POLR3E: variants seen among roughly 807,000 people sequenced by gnomAD.
The protein encoded by POLR3E is DNA-directed RNA polymerase III subunit RPC5.
Under a neutral mutation model 96.6 loss-of-function variants are expected in POLR3E, and 41 were observed. That is an observed-to-expected ratio of 0.42 (90% CI 0.33 to 0.55). The LOEUF (loss-of-function observed/expected upper bound fraction) is 0.55, where lower values mean the gene tolerates loss of function less well. Among genes scored for constraint, POLR3E ranks in the 20% least tolerant of loss-of-function variants. POLR3E has a pLI of 0.06. For synonymous variants in POLR3E, 396 were observed against 383.6 expected, an observed-to-expected ratio of 1.03 and a Z score of -0.38; for missense variants, 849 against 952.1, an observed-to-expected ratio of 0.89 and a Z score of 1.43.
At chr16:22,306,310 G>A (rs1182296357) in intron 3 of POLR3E, among the ~76,000 whole-genome samples, 1 of 152,168 alleles carries the variant, frequency 6.6e-6, no homozygotes, top group African/African-American at 2.4e-5. Context: ...CCAGGCTGGA[G>A]TGCAGTGGCT....
At chr16:22,315,352 C>T (rs1222563351) in intron 9 of POLR3E, 144 bp downstream of exon 9, 2 of 853,056 alleles carry the variant, frequency 2.3e-6, no homozygotes, top group Non-Finnish European at 3.5e-6. Flanking sequence ...GGGCAGTTTA[C>T]ACTTCACTCC....
In POLR3E at chr16:22,318,187, G is replaced by A. The variant is rs1216064801; in HGVS notation, c.866-639G>A. On this transcript the variant is annotated intron_variant, in intron 12 of 20. Transcript: ENST00000299853. The surrounding 1 kb of genome is among the most constrained non-coding windows in gnomAD (Gnocchi z 5.0). ...CGGCTCACTGCAACCTCCGCCTCCC[G>A]GGTTCAAGCAATTCTCATGCCTCAG... Among the ~76,000 whole-genome samples, 11 of 151,858 alleles carry A rather than the reference G, an allele frequency of 7.2e-5. No individual in the cohort carries two copies. Among genetic ancestry groups the A allele is most frequent in the African/African-American group, 4.8e-5 (2 of 41,308 alleles).
At chr16:22,320,819 T>G (rs1306430650) in intron 13 of POLR3E, among the ~76,000 whole-genome samples, 2 of 152,190 alleles carry the variant, frequency 1.3e-5, no homozygotes, top group Non-Finnish European at 2.9e-5. Context: ...TCTAGATTGG[T>G]GGTTATTTTC....
At chr16:22,325,110 C>T (rs953707400) in intron 16 of POLR3E, 95 bp from the exon 17 acceptor site, 11 of 946,262 alleles carry the variant, frequency 1.2e-5, no homozygotes, top group African/African-American at 3.2e-5. Context: ...TGTCAGTAAC[C>T]AGCGTGTCCT....
intron 19 of POLR3E, among the ~76,000 whole-genome samples, chr16:22,331,275 G>A (rs981949420): frequency 2.0e-5 from 3 of 151,968 alleles, no homozygotes; most frequent in Non-Finnish European, 2.9e-5. Flanking sequence ...CTCTGCGCCC[G>A]GCATGAAGCA....
chr16:22,328,308 G>A, intron 18 of POLR3E: 1 of 584,650 alleles, frequency 1.7e-6, no homozygotes. Flanking sequence ...GGCCCTGGGG[G>A]GTGTGCTGGC....
At chr16:22,333,474 C>T (rs1364496004) in intron 20 of POLR3E, among the ~76,000 whole-genome samples, 170 bp from the exon 21 acceptor site, 1 of 151,582 alleles carries the variant, frequency 6.6e-6, no homozygotes, top group Non-Finnish European at 1.5e-5. Context: ...AAAACACTAC[C>T]CCTGAGGAAA....
chr16:22,311,051 T>C lies in POLR3E; in HGVS notation c.364+1541T>C, dbSNP rs4783455. On this transcript the variant is annotated intron_variant, in intron 6 of 20. Transcript: ENST00000299853. ...CTCAATCTTGGCTCACTGAAACCTC[T>C]GCCTTCCGGTTTCAAGCAGTTCTCC... Among the ~76,000 whole-genome samples the C allele has an allele frequency of 5.6e-3, 860 of 152,308 alleles. 36 individuals carry two copies. Among genetic ancestry groups the C allele is most frequent in the Admixed American group, 0.047 (725 of 15,294 alleles).
Position 22,324,811 on chromosome 16 carries a change from G to C in POLR3E, c.1286+151G>C, listed in dbSNP as rs2048545128. ...TGGATCTGGGTGTGAAGGGCAGGTG[G>C]GGGTCCGCAGGCCCCACGCTCCTCA... On this transcript the variant is annotated intron_variant, in intron 16 of 20. Coordinates refer to ENST00000299853, the MANE Select transcript of POLR3E (RefSeq NM_018119.4). 6.2e-6 allele frequency: 5 copies of C among 805,636 alleles called. No homozygotes were observed. The Admixed American group carries it at 1.0e-4, about 17-fold the overall frequency. The allele number at this position is 805,636 out of a possible 1,614,324, so 49.9% of individuals were successfully genotyped here.
intron 1 of POLR3E, among the ~76,000 whole-genome samples, chr16:22,301,207 G>A (rs2048013261): frequency 6.6e-6 from 1 of 152,186 alleles, no homozygotes; most frequent in South Asian, 2.1e-4. Context: ...GAGCAGAGAG[G>A]AGGGTAGGAG....
At chr16:22,310,286 G>GTTTGT (rs1170839040) in intron 6 of POLR3E, 2 of 154,686 alleles carry the variant, frequency 1.3e-5, no homozygotes, top group Non-Finnish European at 2.9e-5. Context: ...TTGCTTGTTC[G>GTTTGT]TTTGTTTTGT....
rs752820092 is a variant in POLR3E, at chr16:22,324,458, G to A, written c.1128+45G>A. The A allele has an allele frequency of 2.5e-6, 4 of 1,610,390 alleles. No individual in the cohort carries two copies. In the East Asian group the frequency reaches 6.8e-5, roughly 27 times the overall value. On this transcript the variant is annotated intron_variant, in intron 15 of 20. Transcript: ENST00000299853. ...TCTGAGGCCCAGGCTGCTGCTGGAG[G>A]GGAGGGGGCTGGCTGTGCCTCACGC...
chr16:22,323,791 C>T (rs981674979), intron 14 of POLR3E, among the ~76,000 whole-genome samples: 5 of 152,174 alleles, frequency 3.3e-5, no homozygotes, highest in African/African-American at 9.7e-5. Context: ...GAACTGGCGG[C>T]TTGGTGGGGG....
chr16:22,316,785 G>GGGCCA, intron 10 of POLR3E, 99 bp downstream of exon 10: 1 of 1,056,646 alleles, frequency 9.5e-7, no homozygotes, highest in Middle Eastern at 2.1e-4. Context: ...CCCTCCTGTA[G>GGGCCA]CATGAGGGTG....
intron 1 of POLR3E, among the ~76,000 whole-genome samples, chr16:22,300,641 C>T (rs2048001549): frequency 6.6e-6 from 1 of 152,208 alleles, no homozygotes; most frequent in South Asian, 2.1e-4. Context: ...GCTCTCCGCT[C>T]TACACTGCCC....
chr16:22,320,503 C>T (rs1165302323), intron 13 of POLR3E, among the ~76,000 whole-genome samples: 1 of 152,130 alleles, frequency 6.6e-6, no homozygotes, highest in East Asian at 1.9e-4. Context: ...TCAGGTGATG[C>T]ACCCATCTCG....
intron 4 of POLR3E, 98 bp downstream of exon 4, chr16:22,308,323 A>G (rs897144696): frequency 1.1e-6 from 1 of 945,334 alleles, no homozygotes; most frequent in Non-Finnish European, 1.7e-6. Context: ...TCATTGGAGA[A>G]GTAGGAGAAC....
intron 19 of POLR3E, chr16:22,331,392 A>C (rs1232074766): frequency 6.6e-6 from 1 of 151,976 alleles, no homozygotes; most frequent in Non-Finnish European, 1.5e-5. Context: ...TTTATGCCAA[A>C]CTGCAGAATT....
At chr16:22,328,976 AG>A in intron 19 of POLR3E, 1 of 212,036 alleles carries the variant, frequency 4.7e-6, no homozygotes, top group East Asian at 1.3e-4. Flanking sequence ...AAATGCCCAT[AG>A]TCGTGGGAGG....
Sources: gnomAD v4.1 joint callset for allele counts (sites outside exome capture counted in the v4.1 genomes callset) on GRCh38, gnomAD v4.1.1 for gene constraint, Gnocchi (gnomAD v3.1) non-coding constraint, MANE v1.5 for transcripts, NCBI Gene and HGNC (gene_info 2026-07-23, HGNC 2026-07-21) for gene names.